SCAF4: variants seen among roughly 807,000 people sequenced by gnomAD.
The protein encoded by SCAF4 is SR-related CTD associated factor 4.
In SCAF4, 25 loss-of-function variants were observed where a neutral mutation model predicts 129.8. The ratio of observed to expected loss-of-function variants is 0.19; its 90% CI spans 0.14 to 0.27. The LOEUF is 0.27. SCAF4 is among the 10% of genes least tolerant of loss of function. The pLI is 1.00. For missense variants in SCAF4, 1,246 were observed against 1,457.1 expected, an observed-to-expected ratio of 0.86 and a Z score of 2.36; for synonymous variants, 551 against 497.7, an observed-to-expected ratio of 1.11 and a Z score of -1.43.
chr21:31,671,560 G>A lies in SCAF4; in HGVS notation c.3283C>T (p.Pro1095Ser), dbSNP rs751982837. ...DRAGGNKTVE[P>S]PISQVGNVDT... Reference sequence around the variant, plus strand: ...ACATTTCCCACTTGGCTAATGGGAGGTTCAACGGTTTTGTTACCACCTGCC... The same window carrying A: ...ACATTTCCCACTTGGCTAATGGGAGATTCAACGGTTTTGTTACCACCTGCC... The change falls in exon 20 of 20, where the codon CCT becomes TCT. Residue 1095 changes from proline to serine, a missense_variant. Pro to Ser is a moderately conservative substitution (Grantham distance 74). Transcript: ENST00000286835. The A allele has an allele frequency of 3.8e-5, 61 of 1,613,884 alleles. 1 individual carries two copies. In the South Asian group the frequency reaches 4.7e-4, roughly 12 times the overall value.
intron 3 of SCAF4, among the ~76,000 whole-genome samples, chr21:31,704,665 C>T (rs1012222639): frequency 1.3e-5 from 2 of 151,962 alleles, no homozygotes; most frequent in Non-Finnish European, 2.9e-5. Flanking sequence ...AGTATTATGT[C>T]CATTTTTACT....
chr21:31,720,111 A>G (rs760659696), intron 1 of SCAF4, among the ~76,000 whole-genome samples: 2 of 152,134 alleles, frequency 1.3e-5, no homozygotes, highest in Non-Finnish European at 2.9e-5. Flanking sequence ...GTGCCTCACT[A>G]ATGAACTTCT....
At chr21:31,673,973 A>C (rs2049783427) in intron 19 of SCAF4, among the ~76,000 whole-genome samples, 3 of 152,262 alleles carry the variant, frequency 2.0e-5, no homozygotes, top group Non-Finnish European at 4.4e-5. Flanking sequence ...ATTATAATAT[A>C]ACACCAGAAA....
chr21:31,711,792 TGAG>T (rs1247259396), intron 1 of SCAF4, among the ~76,000 whole-genome samples: 1 of 152,158 alleles, frequency 6.6e-6, no homozygotes, highest in Non-Finnish European at 1.5e-5. Context: ...ATAATTGTTA[TGAG>T]GAGTTGAACC....
chr21:31,717,155 T>C (rs1459019249), intron 1 of SCAF4, among the ~76,000 whole-genome samples: 1 of 152,224 alleles, frequency 6.6e-6, no homozygotes, highest in Non-Finnish European at 1.5e-5. Flanking sequence ...GGACGAGTTT[T>C]AATTCCGAAG....
chr21:31,684,363 T>C (rs1424898490), intron 19 of SCAF4: 1 of 152,300 alleles, frequency 6.6e-6, no homozygotes, highest in Non-Finnish European at 1.5e-5. Flanking sequence ...GATGTATTTA[T>C]TCATAACTTA....
chr21:31,717,073 C>T (rs2123657643), intron 1 of SCAF4, among the ~76,000 whole-genome samples: 1 of 152,284 alleles, frequency 6.6e-6, no homozygotes, highest in East Asian at 1.9e-4. Context: ...AGATAAAATT[C>T]TTACATTATC....
At chr21:31,704,586 G>GT (rs1039868582) in intron 3 of SCAF4, among the ~76,000 whole-genome samples, 1 of 150,778 alleles carries the variant, frequency 6.6e-6, no homozygotes, top group Non-Finnish European at 1.5e-5. Flanking sequence ...GTGCATCACT[G>GT]TAACAACCGC....
intron 15 of SCAF4, among the ~76,000 whole-genome samples, chr21:31,689,293 CCTTT>C (rs1414433199): frequency 3.3e-5 from 5 of 151,214 alleles, no homozygotes; most frequent in Admixed American, 6.6e-5. Context: ...CTTGAAGCTT[CCTTT>C]ATTTTATTTT....
chr21:31,676,355 C>A (rs1025644839), intron 19 of SCAF4, among the ~76,000 whole-genome samples: 3 of 152,188 alleles, frequency 2.0e-5, no homozygotes, highest in African/African-American at 7.2e-5. Flanking sequence ...CCCAAACAAT[C>A]TTCAATCCCA....
chr21:31,671,691 C>A lies in SCAF4; in HGVS notation c.3152G>T (p.Arg1051Ile), dbSNP rs1280337558. 1 of 1,613,912 alleles carries A rather than the reference C, an allele frequency of 6.2e-7. No homozygotes were observed. Among genetic ancestry groups the A allele is most frequent in the African/African-American group, 1.3e-5 (1 of 74,926 alleles). The change falls in exon 20 of 20, where the codon AGA becomes ATA. Residue 1051 changes from arginine to isoleucine, a missense_variant. By Grantham distance (97) the Arg-to-Ile change is moderately conservative. This residue lies in a region of SCAF4 where 339 missense variants were observed against 325.0 expected (regional missense o/e 1.04). Coordinates refer to ENST00000286835, the MANE Select transcript of SCAF4 (RefSeq NM_020706.2). ...TCTGTCTCGATGCCCACTAGAGCGT[C>A]TATTTCTCTCTTCCAAGTCTCTGTG... ...DRHRDLEERN[R>I]RSSGHRDRER...
At chr21:31,708,239 G>A (rs1199007227) in intron 1 of SCAF4, among the ~76,000 whole-genome samples, 2 of 151,948 alleles carry the variant, frequency 1.3e-5, no homozygotes, top group Non-Finnish European at 2.9e-5. Context: ...AATACAAAAT[G>A]GTGGCGGGCA....
intron 4 of SCAF4, among the ~76,000 whole-genome samples, chr21:31,702,749 T>G (rs193097582): frequency 3.3e-5 from 5 of 152,282 alleles, no homozygotes; most frequent in Admixed American, 1.3e-4. Context: ...GCTAAAATAT[T>G]TAAGCAACTG....
rs1024136393 is a variant in SCAF4, at chr21:31,712,488, C to T, written c.31-6131G>A. ...CCACCTCAGCCTCCCAAAGCGCTGG[C>T]ATTACAGGCGAGAGCCACCATGTCT... On this transcript the variant is annotated intron_variant, in intron 1 of 19. Coordinates refer to ENST00000286835, the MANE Select transcript of SCAF4 (RefSeq NM_020706.2). Among the ~76,000 whole-genome samples, 6 of 148,958 alleles carry T rather than the reference C, an allele frequency of 4.0e-5. 1 individual carries two copies. Among genetic ancestry groups the T allele is most frequent in the Admixed American group, 3.3e-4 (5 of 14,930 alleles).
Position 31,696,153 on chromosome 21 carries a change from G to A in SCAF4, c.1028C>T (p.Pro343Leu). The stretch of plus-strand genomic sequence containing the variant: ...ATCCTGTTGTATTCCCATCATTCGT[G>A]GCTGAAACTGATCCATATTTTGATG... ...TQHQNMDQFQPRMMGIQQDPM... is the reference protein window; with the variant it reads ...TQHQNMDQFQLRMMGIQQDPM... Residue 343 changes from proline to leucine, a missense_variant, in exon 9 of 20, where the codon CCA becomes CTA. This residue lies in a region of SCAF4 where 236 missense variants were observed against 210.0 expected (regional missense o/e 1.12). Transcript: ENST00000286835. 6.2e-7 allele frequency: 1 copy of A among 1,613,798 alleles called. No homozygotes were observed. Among genetic ancestry groups the A allele is most frequent in the South Asian group, 1.1e-5 (1 of 91,064 alleles).
At chr21:31,729,058 TAC>T (rs2051280171) in intron 1 of SCAF4, among the ~76,000 whole-genome samples, 1 of 152,186 alleles carries the variant, frequency 6.6e-6, no homozygotes, top group Non-Finnish European at 1.5e-5. Context: ...TTATCTTTCC[TAC>T]CAAGTCTCTG....
At chr21:31,729,879 T>C (rs2051305637) in intron 1 of SCAF4, among the ~76,000 whole-genome samples, 1 of 152,232 alleles carries the variant, frequency 6.6e-6, no homozygotes. Flanking sequence ...GATTGTGCCT[T>C]TTCAGGATTA....
rs1005200121 is a variant in SCAF4, at chr21:31,701,916, A to G, written c.460T>C (p.Ser154Pro). ...GAAACTTTTACTGGAGGTGGAGGTGAGCCTAAAAAAGAAAAGGGCATTAAG... is the reference window on the plus strand; with the variant it reads ...GAAACTTTTACTGGAGGTGGAGGTGGGCCTAAAAAAGAAAAGGGCATTAAG... Reference protein sequence around the residue: ...VAENVTNNEGSPPPPVKVSSE... With the variant: ...VAENVTNNEGPPPPPVKVSSE... Residue 154 changes from serine (S) to proline (P), a missense_variant and splice_region_variant, in exon 6 of 20, where the codon TCA (serine) becomes CCA (proline). Coordinates refer to ENST00000286835, the MANE Select transcript of SCAF4 (RefSeq NM_020706.2). 1.3e-5 allele frequency: 21 copies of G among 1,613,436 alleles called. No homozygotes were observed. The highest frequency in any genetic ancestry group is 1.8e-5 in the Non-Finnish European group (21 of 1,179,838).
intron 1 of SCAF4, among the ~76,000 whole-genome samples, chr21:31,723,103 C>T (rs1741930888): frequency 6.6e-6 from 1 of 152,160 alleles, no homozygotes; most frequent in African/African-American, 2.4e-5. Flanking sequence ...GTATGTACAA[C>T]ATTTTGTAAT....
Sources: allele counts gnomAD v4.1 joint callset (sites outside exome capture counted in the v4.1 genomes callset), GRCh38; gene constraint gnomAD v4.1.1; regional missense constraint gnomAD v4.1.1; transcripts MANE v1.5; gene names NCBI Gene and HGNC (gene_info 2026-07-23, HGNC 2026-07-21).